MCU: variants seen among roughly 807,000 people sequenced by gnomAD.
MCU encodes calcium uniporter protein, mitochondrial.
In MCU, 12 loss-of-function variants were observed where a neutral mutation model predicts 45.2. The ratio of observed to expected loss-of-function variants is 0.27; its 90% confidence interval spans 0.17 to 0.43. The LOEUF (loss-of-function observed/expected upper bound fraction) is 0.43. Among genes scored for constraint, MCU ranks in the 20% least tolerant of loss-of-function variants. MCU has a pLI of 1.00. For missense variants in MCU, 324 were observed against 436.7 expected (o/e 0.74, Z 2.30); for synonymous variants, 160 against 165.1 (o/e 0.97, Z 0.24).
intron 1 of MCU, among the ~76,000 whole-genome samples, chr10:72,696,349 G>T (rs757621620): frequency 1.3e-5 from 2 of 151,766 alleles, no homozygotes; most frequent in Non-Finnish European, 2.9e-5. Context: ...CTAGTGTGAA[G>T]ATCTGGCCTA....
intron 1 of MCU, among the ~76,000 whole-genome samples, chr10:72,725,389 G>A (rs928436133): frequency 2.0e-5 from 3 of 151,906 alleles, no homozygotes; most frequent in African/African-American, 7.3e-5. Context: ...GCATCCCAAA[G>A]TGCTGAGATT....
Position 72,884,260 on chromosome 10 carries a change from T to G in MCU, c.862-6T>G, listed in dbSNP as rs1845747091. The stretch of plus-strand genomic sequence containing the variant: ...GACTGATAATTCCGTTTCTTCATTT[T>G]TTTAGGAATATGTTTATCCAGAAGC... On this transcript the variant is annotated splice_polypyrimidine_tract_variant and splice_region_variant and intron_variant, in intron 6 of 7. Coordinates refer to ENST00000373053, the MANE Select transcript of MCU (RefSeq NM_138357.3). 1 of 1,533,440 alleles carries G rather than the reference T, an allele frequency of 6.5e-7. No individual in the cohort carries two copies. Among genetic ancestry groups the G allele is most frequent in the Non-Finnish European group, 9.0e-7 (1 of 1,108,972 alleles). 95.0% of individuals were successfully genotyped at this position (1,533,440 alleles called of 1,614,324 possible).
intron 1 of MCU, among the ~76,000 whole-genome samples, chr10:72,742,035 A>AAC (rs1451514722): frequency 1.3e-5 from 2 of 151,604 alleles, no homozygotes; most frequent in African/African-American, 4.8e-5. Flanking sequence ...AAAAAAAAAA[A>AAC]AAAAAAAAAA....
At chr10:72,771,589 C>T (rs1055842012) in intron 1 of MCU, among the ~76,000 whole-genome samples, 3 of 152,094 alleles carry the variant, frequency 2.0e-5, no homozygotes, top group African/African-American at 7.2e-5. Flanking sequence ...TTTTGGTGGA[C>T]ACCTTTTTTG....
At chr10:72,793,409 A>G (rs1027736369) in intron 1 of MCU, among the ~76,000 whole-genome samples, 4 of 152,194 alleles carry the variant, frequency 2.6e-5, no homozygotes, top group Non-Finnish European at 4.4e-5. Flanking sequence ...CCACTTACTG[A>G]ATAGGCAAAC....
At chr10:72,772,845 CA>C (rs1219704035) in intron 1 of MCU, among the ~76,000 whole-genome samples, 1 of 152,198 alleles carries the variant, frequency 6.6e-6, no homozygotes, top group African/African-American at 2.4e-5. Context: ...CTGACCCTAA[CA>C]AGATGGCAGT....
intron 6 of MCU, among the ~76,000 whole-genome samples, chr10:72,883,960 G>A (rs1248253935): frequency 6.6e-6 from 1 of 152,156 alleles, no homozygotes; most frequent in East Asian, 1.9e-4. Context: ...GATTACTTTG[G>A]GGGAAAGAGA....
chr10:72,765,728 A>G (rs1309417057), intron 1 of MCU, among the ~76,000 whole-genome samples: 1 of 129,326 alleles, frequency 7.7e-6, no homozygotes, highest in Non-Finnish European at 1.7e-5. Flanking sequence ...CAATATGTTG[A>G]TGCTGCAGTG....
At chr10:72,779,209 C>T (rs1239154793) in intron 1 of MCU, among the ~76,000 whole-genome samples, 1 of 152,096 alleles carries the variant, frequency 6.6e-6, no homozygotes, top group Non-Finnish European at 1.5e-5. Context: ...ACTTCGTGAT[C>T]CCCCCACCTC....
chr10:72,708,132 A>G (rs1027506120), intron 1 of MCU, among the ~76,000 whole-genome samples: 3 of 152,196 alleles, frequency 2.0e-5, no homozygotes, highest in Admixed American at 2.0e-4. Flanking sequence ...ATGAAGAAAA[A>G]CAGCCTTCAA....
intron 4 of MCU, among the ~76,000 whole-genome samples, chr10:72,866,435 G>A (rs766469943): frequency 6.6e-6 from 1 of 151,874 alleles, no homozygotes; most frequent in Non-Finnish European, 1.5e-5. Flanking sequence ...TTTTGTTTTT[G>A]TTTTGAGGCT....
At chr10:72,789,479 A>G (rs914055142) in intron 1 of MCU, among the ~76,000 whole-genome samples, 4 of 152,144 alleles carry the variant, frequency 2.6e-5, no homozygotes, top group Admixed American at 2.6e-4. Flanking sequence ...TTATAATGCT[A>G]GCTTTATGTC....
intron 4 of MCU, among the ~76,000 whole-genome samples, chr10:72,865,542 A>C (rs1460659353): frequency 6.6e-6 from 1 of 152,004 alleles, no homozygotes; most frequent in East Asian, 1.9e-4. Context: ...CTTGATTTTA[A>C]ATTTAATTAT....
At chr10:72,863,190 T>G (rs2132874129) in intron 4 of MCU, among the ~76,000 whole-genome samples, 1 of 152,342 alleles carries the variant, frequency 6.6e-6, no homozygotes, top group East Asian at 1.9e-4. Context: ...CAATATTGAC[T>G]CTTCCAATAA....
At chr10:72,845,572 C>A (rs1225665382) in intron 2 of MCU, among the ~76,000 whole-genome samples, 1 of 152,142 alleles carries the variant, frequency 6.6e-6, no homozygotes, top group African/African-American at 2.4e-5. Context: ...GTTACAGTTG[C>A]TGACAGTATT....
At chr10:72,787,319 A>G (rs957048029) in intron 1 of MCU, among the ~76,000 whole-genome samples, 18 of 152,260 alleles carry the variant, frequency 1.2e-4, no homozygotes, top group South Asian at 2.1e-4. Context: ...CCCAGGCTGG[A>G]GTGGAGTGGC....
chr10:72,828,449 T>G (rs1357490254), intron 1 of MCU, among the ~76,000 whole-genome samples: 1 of 152,142 alleles, frequency 6.6e-6, no homozygotes, highest in Non-Finnish European at 1.5e-5. Context: ...GAAATAACTT[T>G]CCCTCTCTTT....
At chr10:72,773,839 A>G (rs1472805106) in intron 1 of MCU, among the ~76,000 whole-genome samples, 1 of 152,214 alleles carries the variant, frequency 6.6e-6, no homozygotes, top group Non-Finnish European at 1.5e-5. Flanking sequence ...CAGAATTCTC[A>G]AGGAAAAAAC....
intron 1 of MCU, among the ~76,000 whole-genome samples, chr10:72,762,537 A>G (rs759397911): frequency 1.8e-4 from 27 of 152,164 alleles, no homozygotes; most frequent in Non-Finnish European, 3.4e-4. Context: ...GTAAACTGGA[A>G]GGACTGGTGA....
Sources: allele counts gnomAD v4.1 joint callset (sites outside exome capture counted in the v4.1 genomes callset), GRCh38; gene constraint gnomAD v4.1.1; transcripts MANE v1.5; gene names NCBI Gene and HGNC (gene_info 2026-07-23, HGNC 2026-07-21).